Variants in ILF2 observed in about 807,000 individuals in gnomAD.
The protein encoded by ILF2 is interleukin enhancer-binding factor 2.
In ILF2, 9 loss-of-function variants were observed where a neutral mutation model predicts 55.3. The ratio of observed to expected loss-of-function variants is 0.16; its 90% CI spans 0.10 to 0.28. The LOEUF (loss-of-function observed/expected upper bound fraction) is 0.28. ILF2 is among the 10% of genes least tolerant of loss of function. The pLI, the probability that ILF2 is intolerant of heterozygous loss-of-function variation, is 1.00. For synonymous variants in ILF2, 151 were observed against 161.8 expected, an observed-to-expected ratio of 0.93 and a Z score of 0.50; for missense variants, 266 against 474.9, an observed-to-expected ratio of 0.56 and a Z score of 4.09.
intron 1 of ILF2, 109 bp from the exon 2 acceptor site, chr1:153,670,339 C>T (rs1669411469): frequency 9.7e-7 from 1 of 1,026,916 alleles, no homozygotes; most frequent in Non-Finnish European, 1.5e-6. Context: ...AGGCAAGAGA[C>T]CCCACTCACA....
chr1:153,668,371 C>T, intron 4 of ILF2, 82 bp downstream of exon 4: 1 of 1,532,334 alleles, frequency 6.5e-7, no homozygotes, highest in Non-Finnish European at 8.9e-7. Context: ...TAACACCATT[C>T]TTAACCTTAC....
chr1:153,665,399 C>A (rs1669280590), intron 7 of ILF2, 63 bp from the exon 8 acceptor site: 2 of 1,116,632 alleles, frequency 1.8e-6, no homozygotes, highest in Admixed American at 1.7e-5. Flanking sequence ...AAAGTTAAAT[C>A]CAGGGTGGGG....
rs1367442972 is a variant in ILF2 at position 153,667,664 on chromosome 1, G to A, written c.292-7C>T. The A allele has an allele frequency of 1.9e-6, 3 of 1,581,076 alleles. No homozygotes were observed. The African/African-American group carries it at 4.1e-5, about 21-fold the overall frequency. Reference sequence around the variant, plus strand: ...GTCGAACTTCTTCAATTTGCTGTTGGAAAAAGGATTTCGGGGAAAAACAAT... The same window carrying A: ...GTCGAACTTCTTCAATTTGCTGTTGAAAAAAGGATTTCGGGGAAAAACAAT... On this transcript the variant is annotated splice_region_variant and splice_polypyrimidine_tract_variant and intron_variant, in intron 5 of 13. Transcript: ENST00000361891.
chr1:153,665,629 G>A, intron 7 of ILF2, 34 bp downstream of exon 7: 1 of 1,545,816 alleles, frequency 6.5e-7, no homozygotes, highest in Non-Finnish European at 8.9e-7. Context: ...GGTTCCTATG[G>A]CTACTAAATA....
intron 6 of ILF2, chr1:153,667,249 G>A (rs1482954544): frequency 2.2e-6 from 1 of 457,694 alleles, no homozygotes; most frequent in Non-Finnish European, 3.9e-6. Flanking sequence ...AGGCTGAGGT[G>A]GGCAGATTGC....
At chr1:153,670,819 G>T (rs1669450699) in intron 1 of ILF2, 99 bp downstream of exon 1, 1 of 1,414,934 alleles carries the variant, frequency 7.1e-7, no homozygotes, top group African/African-American at 1.4e-5. Context: ...CCAGCCCCCG[G>T]ATACATGGCC....
intron 10 of ILF2, among the ~76,000 whole-genome samples, chr1:153,663,498 T>G (rs1669228123): frequency 2.6e-5 from 4 of 151,974 alleles, no homozygotes; most frequent in Non-Finnish European, 4.4e-5. Flanking sequence ...CTGGCTAATT[T>G]TTTTTTTTTT....
At chr1:153,666,206 C>T (rs1254771000) in intron 6 of ILF2, among the ~76,000 whole-genome samples, 1 of 151,754 alleles carries the variant, frequency 6.6e-6, no homozygotes, top group Non-Finnish European at 1.5e-5. Flanking sequence ...ATTTTTGAGA[C>T]AGGGCCTCAC....
At chr1:153,662,953 T>C (rs1178544976) in intron 12 of ILF2, 66 bp downstream of exon 12, 1 of 1,415,262 alleles carries the variant, frequency 7.1e-7, no homozygotes, top group African/African-American at 1.4e-5. Flanking sequence ...TATTCCGCTT[T>C]GCCTGCTGAG....
chr1:153,663,986 CTA>C lies in ILF2; in HGVS notation c.744+55_744+56del, dbSNP rs769064623. 2.0e-4 allele frequency: 179 copies of C among 881,884 alleles called. 2 individuals are homozygous for C. Among genetic ancestry groups the C allele is most frequent in the Middle Eastern group, 6.6e-4 (3 of 4,522 alleles). 54.6% of individuals were successfully genotyped at this position (881,884 alleles called of 1,614,324 possible). A position where few individuals can be genotyped will look rare whatever the true frequency, so the allele number is the denominator to read the frequency against. On this transcript the variant is annotated intron_variant, in intron 10 of 13. Transcript: ENST00000361891. ...ACTACTACTACTACTACTACTACTA[CTA>C]CTACTACTAGTAAATAAGGATGATG...
At chr1:153,663,807 C>CAAAAA in intron 10 of ILF2, among the ~76,000 whole-genome samples, 1 of 80,344 alleles carries the variant, frequency 1.2e-5, no homozygotes, top group Admixed American at 1.3e-4. Flanking sequence ...ATTGAATATA[C>CAAAAA]AAAAAAAAAA....
At chr1:153,669,716 A>T in intron 3 of ILF2, 120 bp downstream of exon 3, 1 of 834,442 alleles carries the variant, frequency 1.2e-6, no homozygotes, top group Non-Finnish European at 2.0e-6. Context: ...TGCTGAGATT[A>T]CAGGCGTGAG....
At chr1:153,665,555 G>T in intron 7 of ILF2, 108 bp downstream of exon 7, 1 of 1,015,276 alleles carries the variant, frequency 9.8e-7, no homozygotes, top group Non-Finnish European at 1.6e-6. Context: ...ATAAAACTCT[G>T]CATTTACTCT....
At chr1:153,664,864 G>A (rs1669269473) in intron 8 of ILF2, among the ~76,000 whole-genome samples, 1 of 152,164 alleles carries the variant, frequency 6.6e-6, no homozygotes, top group Non-Finnish European at 1.5e-5. Context: ...GACCAACTCT[G>A]CAATTCTTTA....
intron 6 of ILF2, 101 bp downstream of exon 6, chr1:153,667,454 G>T: frequency 1.2e-6 from 1 of 833,946 alleles, no homozygotes. Context: ...ACTCCAGCCT[G>T]GCCAACGGAG....
chr1:153,670,767 A>C (rs529822765), intron 1 of ILF2, 151 bp downstream of exon 1: 1 of 952,456 alleles, frequency 1.0e-6, no homozygotes, highest in Non-Finnish European at 1.7e-6. Flanking sequence ...ACCGGCCTCC[A>C]TCTCTCCCAC....
intron 4 of ILF2, 95 bp from the exon 5 acceptor site, chr1:153,668,172 G>T: frequency 1.1e-6 from 1 of 940,818 alleles, no homozygotes; most frequent in Non-Finnish European, 1.6e-6. Flanking sequence ...CATACAAGCT[G>T]ACTCAATACT....
chr1:153,662,236 C>T lies in ILF2; in HGVS notation c.*160G>A, dbSNP rs759760197. On this transcript the variant is annotated 3_prime_UTR_variant, in exon 14 of 14. Transcript: ENST00000361891. ...CACAAATGGGAGACTGGCAGCTAAG[C>T]CAATATCAAAACCCAGTGGAATGAC... 58 of 843,502 alleles carry T rather than the reference C, an allele frequency of 6.9e-5. No individual in the cohort carries two copies. Among genetic ancestry groups the T allele is most frequent in the Non-Finnish European group, 1.0e-4 (56 of 541,336 alleles). 52.3% of individuals were successfully genotyped at this position (843,502 alleles called of 1,614,324 possible).
chr1:153,662,888 A>T, intron 12 of ILF2, 93 bp from the exon 13 acceptor site: 1 of 1,337,930 alleles, frequency 7.5e-7, no homozygotes. Context: ...ACAGCTTTTT[A>T]AATCTCAGGA....
Sources: gnomAD v4.1 joint callset for allele counts (sites outside exome capture counted in the v4.1 genomes callset) on GRCh38, gnomAD v4.1.1 for gene constraint, MANE v1.5 for transcripts, NCBI Gene and HGNC (gene_info 2026-07-23, HGNC 2026-07-21) for gene names.